The following ANKS1A variants were observed in gnomAD, a reference collection of about 807,000 sequenced individuals.
ANKS1A encodes ankyrin repeat and SAM domain-containing protein 1A.
Under a neutral mutation model 120.3 loss-of-function variants are expected in ANKS1A, and 55 were observed. The ratio of observed to expected loss-of-function variants is 0.46; its 90% CI spans 0.37 to 0.57. The LOEUF (loss-of-function observed/expected upper bound fraction) is 0.57. Among genes scored for constraint, ANKS1A ranks in the 20% least tolerant of loss-of-function variants. The pLI is 0.00. For synonymous variants in ANKS1A, 590 were observed against 604.7 expected, an observed-to-expected ratio of 0.98 and a Z score of 0.36; for missense variants, 1,123 against 1,480.3, an observed-to-expected ratio of 0.76 and a Z score of 3.96.
In ANKS1A at chr6:34,892,902, T is replaced by C. The variant is rs551327553; in HGVS notation, c.197+3303T>C. On this transcript the variant is annotated intron_variant, in intron 1 of 23. Transcript: ENST00000360359. Reference sequence around the variant, plus strand: ...AAAGAAGACTTCTACTAGAAAAACATGTTGTTACAAACTTTGTGTTCTTCT... The same window carrying C: ...AAAGAAGACTTCTACTAGAAAAACACGTTGTTACAAACTTTGTGTTCTTCT... 2.6e-5 allele frequency among the ~76,000 whole-genome samples: 4 copies of C among 152,314 alleles called. No homozygotes were observed. In the South Asian group the frequency reaches 6.2e-4, roughly 24 times the overall value.
intron 11 of ANKS1A, among the ~76,000 whole-genome samples, chr6:35,029,936 G>A (rs1001200057): frequency 9.9e-5 from 15 of 150,798 alleles, no homozygotes; most frequent in Non-Finnish European, 1.5e-4. Context: ...TTGTTTCTTC[G>A]GAATTCATTT....
intron 11 of ANKS1A, among the ~76,000 whole-genome samples, chr6:35,031,743 G>A (rs541916219): frequency 6.7e-4 from 102 of 152,222 alleles, no homozygotes; most frequent in African/African-American, 2.3e-3. Flanking sequence ...AAACATCCTT[G>A]CTTCCCTATT....
intron 8 of ANKS1A, among the ~76,000 whole-genome samples, chr6:34,986,573 G>A (rs532128551): frequency 3.3e-5 from 5 of 152,312 alleles, no homozygotes; most frequent in African/African-American, 1.2e-4. Context: ...CCATTTTGAT[G>A]ATCCTTTGGC....
chr6:35,009,395 C>T (rs929708215), intron 10 of ANKS1A, among the ~76,000 whole-genome samples: 2 of 152,078 alleles, frequency 1.3e-5, no homozygotes, highest in East Asian at 3.9e-4. Flanking sequence ...AAATAATGTA[C>T]AACTAACAGA....
At chr6:35,022,598 A>T (rs1266480988) in intron 11 of ANKS1A, among the ~76,000 whole-genome samples, 1 of 152,242 alleles carries the variant, frequency 6.6e-6, no homozygotes, top group Non-Finnish European at 1.5e-5. Context: ...AAACTTCAGT[A>T]GTTATTTTCT....
At chr6:35,051,606 A>G (rs558241497) in intron 11 of ANKS1A, among the ~76,000 whole-genome samples, 6 of 152,194 alleles carry the variant, frequency 3.9e-5, no homozygotes, top group South Asian at 2.1e-4. Flanking sequence ...TAGGTTCTCT[A>G]TTTACCATGT....
chr6:35,093,803 T>C (rs1237835207), downstream of ANKS1A, among the ~76,000 whole-genome samples: 2 of 152,052 alleles, frequency 1.3e-5, no homozygotes, highest in Non-Finnish European at 2.9e-5. Context: ...AAATAACTGC[T>C]CTACTCCAGC....
intron 1 of ANKS1A, among the ~76,000 whole-genome samples, chr6:34,928,326 G>A (rs964967651): frequency 3.9e-5 from 6 of 152,156 alleles, no homozygotes; most frequent in African/African-American, 1.4e-4. Context: ...AGGATCCTCT[G>A]AAAAGACTCG....
intron 1 of ANKS1A, among the ~76,000 whole-genome samples, chr6:34,928,302 G>A (rs995704831): frequency 6.6e-6 from 1 of 152,106 alleles, no homozygotes; most frequent in Non-Finnish European, 1.5e-5. Flanking sequence ...GCCTTTTACA[G>A]CCCCAGGCCT....
In ANKS1A at chr6:35,079,872, G is replaced by A. The variant is rs747253364; in HGVS notation, c.2488G>A (p.Ala830Thr). 1.9e-6 allele frequency: 3 copies of A among 1,567,598 alleles called. No individual in the cohort carries two copies. Among genetic ancestry groups the A allele is most frequent in the African/African-American group, 1.4e-5 (1 of 73,978 alleles). ...TCGCAAGCGCATCATCGCCTCCCTC[G>A]CAGACAGACCGTACGAGGAGCCGCC... ...GHRKRIIASL[A>T]DRPYEEPPQK... The change falls in exon 16 of 24, where the codon GCA becomes ACA. Residue 830 changes from alanine to threonine, a missense_variant. Coordinates refer to ENST00000360359, the MANE Select transcript of ANKS1A (RefSeq NM_015245.3).
intron 1 of ANKS1A, among the ~76,000 whole-genome samples, chr6:34,912,954 C>T (rs1767976201): frequency 6.6e-6 from 1 of 152,124 alleles, no homozygotes; most frequent in Non-Finnish European, 1.5e-5. Flanking sequence ...CATTTGGTTC[C>T]TTAAGGTTGA....
Position 34,996,943 on chromosome 6 carries a change from C to T in ANKS1A, c.1423+2521C>T, listed in dbSNP as rs561467670. 2.6e-5 allele frequency among the ~76,000 whole-genome samples: 4 copies of T among 152,232 alleles called. No individual in the cohort carries two copies. The South Asian group carries it at 8.3e-4, about 32-fold the overall frequency. On this transcript the variant is annotated intron_variant, in intron 10 of 23. Coordinates refer to ENST00000360359, the MANE Select transcript of ANKS1A (RefSeq NM_015245.3). ...GCACAATTTGTTGAAAAAGACCTTCCTTTCGCTATTGAATTGTCTTTGCAA... is the reference window on the plus strand; with the variant it reads ...GCACAATTTGTTGAAAAAGACCTTCTTTTCGCTATTGAATTGTCTTTGCAA...
chr6:35,054,371 G>A (rs534293073), intron 12 of ANKS1A, among the ~76,000 whole-genome samples: 2 of 152,278 alleles, frequency 1.3e-5, no homozygotes, highest in South Asian at 4.2e-4. Context: ...TTTTACATAT[G>A]GGAGGGGAAA....
intron 1 of ANKS1A, among the ~76,000 whole-genome samples, chr6:34,905,469 A>G (rs889252003): frequency 6.6e-6 from 1 of 152,150 alleles, no homozygotes; most frequent in Non-Finnish European, 1.5e-5. Context: ...ATTTGGGATG[A>G]GTGGGATGGT....
chr6:35,000,747 T>C (rs953375124), intron 10 of ANKS1A, among the ~76,000 whole-genome samples: 5 of 152,070 alleles, frequency 3.3e-5, no homozygotes, highest in Admixed American at 6.5e-5. Context: ...ATGTGCAAGG[T>C]GTATAAGGAA....
At position 35,090,396 on chromosome 6, in the gene ANKS1A, G is replaced by T; in HGVS notation, c.*1787G>T. On this transcript the variant is annotated 3_prime_UTR_variant, in exon 24 of 24. Coordinates refer to ENST00000360359, the MANE Select transcript of ANKS1A (RefSeq NM_015245.3). ...CCAGGCCACATCCAAGTGGGCCTCT[G>T]TCGGGGGCGGGGCGGTAGGTCCGAA... is the stretch of plus-strand genomic sequence containing the variant. 1 of 1,217,914 alleles carries T rather than the reference G, an allele frequency of 8.2e-7. No homozygotes were observed. The allele number at this position is 1,217,914 out of a possible 1,614,324, so 75.4% of individuals were successfully genotyped here.
At chr6:34,906,650 G>A (rs992801750) in intron 1 of ANKS1A, among the ~76,000 whole-genome samples, 3 of 152,184 alleles carry the variant, frequency 2.0e-5, no homozygotes, top group Non-Finnish European at 4.4e-5. Flanking sequence ...GCATACCATA[G>A]TAATAATTGC....
chr6:34,935,254 CTT>C (rs756662852), intron 1 of ANKS1A, among the ~76,000 whole-genome samples: 5 of 152,148 alleles, frequency 3.3e-5, no homozygotes, highest in Non-Finnish European at 7.4e-5. Flanking sequence ...ACCTAGCTAA[CTT>C]TTGAAATTTT....
intron 1 of ANKS1A, among the ~76,000 whole-genome samples, chr6:34,923,403 GTCTAAA>G (rs1768539888): frequency 6.6e-6 from 1 of 152,206 alleles, no homozygotes; most frequent in South Asian, 2.1e-4. Context: ...TTCTGACCAT[GTCTAAA>G]GTCAACGGAA....
Sources: allele counts gnomAD v4.1 joint callset (sites outside exome capture counted in the v4.1 genomes callset), GRCh38; gene constraint gnomAD v4.1.1; transcripts MANE v1.5; gene names NCBI Gene and HGNC (gene_info 2026-07-23, HGNC 2026-07-21).